The following TMIGD3 variants were observed in gnomAD, a reference collection of about 807,000 sequenced individuals.
TMIGD3 encodes the protein AD026 protein (AD026).
TMIGD3 carries 21 observed loss-of-function variants against 28.1 expected under a neutral mutation model. That is an observed-to-expected ratio of 0.75 (90% confidence interval 0.53 to 1.08). TMIGD3 has a LOEUF of 1.08. TMIGD3 is among the 50% of genes least tolerant of loss of function. The pLI, the probability that TMIGD3 is intolerant of heterozygous loss-of-function variation, is 0.00. For synonymous variants in TMIGD3, 151 were observed against 162.1 expected (o/e 0.93, Z 0.52); for missense variants, 416 against 435.6 (o/e 0.96, Z 0.40).
At chr1:111,500,606 G>A (rs1557823031) in intron 1 of TMIGD3, 1 of 1,563,272 alleles carries the variant, frequency 6.4e-7, no homozygotes. Flanking sequence ...TTGCTAAAGG[G>A]TAGGGGAGAT....
chr1:111,551,194 T>C (rs893314441), intron 1 of TMIGD3, among the ~76,000 whole-genome samples: 1 of 152,242 alleles, frequency 6.6e-6, no homozygotes, highest in Non-Finnish European at 1.5e-5. Flanking sequence ...AAATTCATTC[T>C]TCTAACCTCT....
chr1:111,491,482 C>T (rs1291623077), intron 1 of TMIGD3, among the ~76,000 whole-genome samples: 5 of 152,230 alleles, frequency 3.3e-5, no homozygotes, highest in Non-Finnish European at 7.3e-5. Flanking sequence ...AAGCTGGGTG[C>T]TACTTATCAC....
upstream of TMIGD3, among the ~76,000 whole-genome samples, chr1:111,507,033 GTGTGTGTATATATATATATA>G (rs1557827967): frequency 2.7e-5 from 1 of 37,160 alleles, no homozygotes; most frequent in East Asian, 1.4e-3. Context: ...GTGTGTGTGT[GTGTGTGTATATATATATATA>G]TATATATGTT....
At chr1:111,485,864 C>T in intron 4 of TMIGD3, 24 bp from the exon 5 acceptor site, 1 of 1,575,664 alleles carries the variant, frequency 6.3e-7, no homozygotes, top group East Asian at 2.3e-5. Context: ...CAGCAGATTT[C>T]ATGTTGCTTG....
At chr1:111,526,649 T>C (rs1656272342) in intron 1 of TMIGD3, among the ~76,000 whole-genome samples, 1 of 152,248 alleles carries the variant, frequency 6.6e-6, no homozygotes, top group Non-Finnish European at 1.5e-5. Flanking sequence ...GGTACATTTA[T>C]TATAATGAAA....
chr1:111,526,965 C>T (rs1454531666), intron 1 of TMIGD3, among the ~76,000 whole-genome samples: 2 of 134,760 alleles, frequency 1.5e-5, no homozygotes, highest in Non-Finnish European at 3.2e-5. Flanking sequence ...TTTAGATAGG[C>T]TTTTTTCAGT....
intron 1 of TMIGD3, among the ~76,000 whole-genome samples, chr1:111,511,625 C>T (rs1291027253): frequency 1.3e-5 from 2 of 151,900 alleles, no homozygotes; most frequent in Non-Finnish European, 2.9e-5. Flanking sequence ...TTACCTATAA[C>T]AACCATTTCA....
intron 1 of TMIGD3, among the ~76,000 whole-genome samples, chr1:111,535,688 C>T (rs774614293): frequency 6.6e-6 from 1 of 152,168 alleles, no homozygotes; most frequent in Non-Finnish European, 1.5e-5. Flanking sequence ...CCGATAACTC[C>T]GTTTGGAATG....
chr1:111,499,386 G>A, intron 1 of TMIGD3: 1 of 987,686 alleles, frequency 1.0e-6, no homozygotes, highest in Non-Finnish European at 1.2e-6. Flanking sequence ...AGCCAGCTGG[G>A]TCTTTAAGCC....
intron 1 of TMIGD3, among the ~76,000 whole-genome samples, chr1:111,524,165 G>T (rs1260551233): frequency 1.3e-5 from 2 of 150,564 alleles, no homozygotes; most frequent in Non-Finnish European, 3.0e-5. Flanking sequence ...AAGTAGCTGG[G>T]ACTACAGGCG....
chr1:111,559,903 T>C (rs1156313191), intron 1 of TMIGD3, among the ~76,000 whole-genome samples: 1 of 152,204 alleles, frequency 6.6e-6, no homozygotes, highest in African/African-American at 2.4e-5. Flanking sequence ...GTATGCCTTG[T>C]ATTTCTGCAA....
intron 1 of TMIGD3, among the ~76,000 whole-genome samples, chr1:111,529,785 G>A (rs978954063): frequency 1.3e-5 from 2 of 151,882 alleles, no homozygotes; most frequent in Non-Finnish European, 2.9e-5. Flanking sequence ...CACAGACACG[G>A]CAACCATCTG....
rs531636645 is a variant in TMIGD3, at chr1:111,562,231, A to G, written c.107+1615T>C. On this transcript the variant is annotated intron_variant, in intron 1 of 5. Transcript: ENST00000369717. Reference sequence around the variant, plus strand: ...TTCTGACCCCACCACTTCTTCCCCTATGTTCCACATCCATATCATTTTGTA... The same window carrying G: ...TTCTGACCCCACCACTTCTTCCCCTGTGTTCCACATCCATATCATTTTGTA... 9.2e-5 allele frequency among the ~76,000 whole-genome samples: 14 copies of G among 152,144 alleles called. No homozygotes were observed. In the South Asian group the frequency reaches 2.9e-3, roughly 32 times the overall value.
At chr1:111,523,515 G>A (rs889987251) in intron 1 of TMIGD3, among the ~76,000 whole-genome samples, 1 of 152,010 alleles carries the variant, frequency 6.6e-6, no homozygotes, top group African/African-American at 2.4e-5. Context: ...CACAAAGAGT[G>A]GATTTCATAG....
upstream of TMIGD3, among the ~76,000 whole-genome samples, chr1:111,506,936 C>G (rs1485777224): frequency 7.8e-6 from 1 of 128,700 alleles, no homozygotes; most frequent in Non-Finnish European, 1.6e-5. Context: ...TACACACACA[C>G]ACATATATAT....
At chr1:111,552,283 G>C (rs1343779243) in intron 1 of TMIGD3, among the ~76,000 whole-genome samples, 2 of 152,172 alleles carry the variant, frequency 1.3e-5, no homozygotes, top group Non-Finnish European at 2.9e-5. Context: ...CTAGAATGCA[G>C]GCTGTTATCT....
At chr1:111,495,402 A>G (rs1654846737) in intron 1 of TMIGD3, among the ~76,000 whole-genome samples, 2 of 152,218 alleles carry the variant, frequency 1.3e-5, no homozygotes, top group South Asian at 4.1e-4. Flanking sequence ...GCAAATCAAA[A>G]TCAAAATGAG....
In TMIGD3 at chr1:111,486,567, C is replaced by T. The variant is rs2252740; in HGVS notation, c.872+19G>A. 109,736 of 1,599,308 alleles carry T rather than the reference C, an allele frequency of 0.069. 4,802 individuals are homozygous for T. Among genetic ancestry groups the T allele is most frequent in the African/African-American group, 0.2 (14,665 of 74,430 alleles). On this transcript the variant is annotated intron_variant, in intron 4 of 5. Transcript: ENST00000369716. The stretch of plus-strand genomic sequence containing the variant: ...CCCCACCGCCCCAAGCCCATTCATC[C>T]GCCAAGACTATGACTCACCTGGAGC...
intron 1 of TMIGD3, among the ~76,000 whole-genome samples, chr1:111,528,043 G>A (rs1249684666): frequency 3.3e-5 from 5 of 151,352 alleles, no homozygotes; most frequent in Admixed American, 1.3e-4. Flanking sequence ...CATGGATCAC[G>A]CTTTTGGAGT....
Sources: gnomAD v4.1 joint callset for allele counts (sites outside exome capture counted in the v4.1 genomes callset) on GRCh38, gnomAD v4.1.1 for gene constraint, MANE v1.5 for transcripts, NCBI Gene and HGNC (gene_info 2026-07-23, HGNC 2026-07-21) for gene names.